The following PKHD1 variants were observed in gnomAD, a reference collection of about 807,000 sequenced individuals.
PKHD1 encodes the protein PKHD1 ciliary IPT domain containing fibrocystin/polyductin, also known as fibrocystin.
PKHD1 carries 291 observed loss-of-function variants against 412.0 expected under a neutral mutation model. The ratio of observed to expected loss-of-function variants is 0.71; its 90% CI spans 0.64 to 0.78. The LOEUF is 0.78. Ranked by LOEUF, PKHD1 falls within the 30% of genes least tolerant of loss-of-function variation. The pLI, the probability that PKHD1 is intolerant of heterozygous loss-of-function variation, is 0.00. For synonymous variants in PKHD1, 1,777 were observed against 1,821.5 expected, an observed-to-expected ratio of 0.98 and a Z score of 0.62; for missense variants, 4,825 against 4,950.7, an observed-to-expected ratio of 0.97 and a Z score of 0.76.
At chr6:51,750,964 G>T (rs1487378524) in intron 57 of PKHD1, among the ~76,000 whole-genome samples, 1 of 151,838 alleles carries the variant, frequency 6.6e-6, no homozygotes, top group Non-Finnish European at 1.5e-5. Flanking sequence ...TTTAGTAGAG[G>T]CAGGGTTTCA....
chr6:51,895,675 G>C (rs1016035232), intron 43 of PKHD1, among the ~76,000 whole-genome samples: 1 of 152,106 alleles, frequency 6.6e-6, no homozygotes, highest in Admixed American at 6.5e-5. Flanking sequence ...CAAGATGGCC[G>C]AATAGGAACA....
chr6:51,968,924 C>A (rs1793245220), intron 35 of PKHD1, among the ~76,000 whole-genome samples: 1 of 152,180 alleles, frequency 6.6e-6, no homozygotes, highest in African/African-American at 2.4e-5. Flanking sequence ...TGTACACACC[C>A]TGTGTAGTCC....
At chr6:51,726,475 T>C (rs147677149) in intron 60 of PKHD1, among the ~76,000 whole-genome samples, 93 of 152,298 alleles carry the variant, frequency 6.1e-4, no homozygotes, top group African/African-American at 2.1e-3. Context: ...AATCACCTCT[T>C]TTCTGCCATC....
chr6:52,038,918 A>G (rs1440518518), intron 27 of PKHD1, among the ~76,000 whole-genome samples: 1 of 152,234 alleles, frequency 6.6e-6, no homozygotes, highest in African/African-American at 2.4e-5. Context: ...GTGTGCTTCA[A>G]ATAACACTAT....
At chr6:51,820,269 C>A (rs1170779463) in intron 52 of PKHD1, among the ~76,000 whole-genome samples, 1 of 152,232 alleles carries the variant, frequency 6.6e-6, no homozygotes, top group East Asian at 1.9e-4. Context: ...TGTGACCTAG[C>A]CTTCAAAATC....
intron 2 of PKHD1, among the ~76,000 whole-genome samples, chr6:52,083,666 A>G (rs573782407): frequency 1.3e-5 from 2 of 152,266 alleles, no homozygotes; most frequent in South Asian, 2.1e-4. Context: ...TCAGGTGGCC[A>G]TATTTCCCTG....
chr6:52,065,619 C>T (rs1002818587), intron 12 of PKHD1, among the ~76,000 whole-genome samples: 19 of 152,178 alleles, frequency 1.2e-4, no homozygotes, highest in African/African-American at 4.1e-4. Flanking sequence ...CCCACTCCTG[C>T]TTGTCTATAT....
At chr6:52,032,887 G>A (rs1803280086) in intron 29 of PKHD1, 143 bp downstream of exon 29, 2 of 748,830 alleles carry the variant, frequency 2.7e-6, no homozygotes, top group East Asian at 4.9e-5. Context: ...ATTCGATGAT[G>A]GCTAAGATGA....
intron 35 of PKHD1, among the ~76,000 whole-genome samples, chr6:51,989,918 A>AGGAAGGAAGGAGGGAGGGAGGGAGGAG (rs1796726994): frequency 1.9e-5 from 2 of 105,268 alleles, no homozygotes; most frequent in African/African-American, 3.6e-5. Flanking sequence ...GAAGGAAGGA[A>AGGAAGGAAGGAGGGAGGGAGGGAGGAG]GGAAGGAAGG....
rs1229349983 is a variant in PKHD1, at chr6:51,649,111, G to T, written c.11284C>A (p.Pro3762Thr). Residue 3762 changes from proline (P) to threonine (T), a missense_variant, in exon 62 of 67, where the codon CCA becomes ACA. By Grantham distance (38) the Pro-to-Thr change is conservative. Transcript: ENST00000371117. ...TGCTCATCCAAAAATACCAATTGTGGCTGCACTGGAAGCTCATTTCCCACT... is the reference window on the plus strand; with the variant it reads ...TGCTCATCCAAAAATACCAATTGTGTCTGCACTGGAAGCTCATTTCCCACT... ...GEVGNELPVQ[P>T]QLVFLDEQNR... 3.1e-6 allele frequency: 5 copies of T among 1,613,676 alleles called. No individual in the cohort carries two copies. Among genetic ancestry groups the T allele is most frequent in the Non-Finnish European group, 4.2e-6 (5 of 1,179,770 alleles).
At chr6:51,656,887 C>T (rs753632014) in intron 61 of PKHD1, among the ~76,000 whole-genome samples, 23 of 151,878 alleles carry the variant, frequency 1.5e-4, no homozygotes, top group Non-Finnish European at 3.1e-4. Context: ...AACTCCTGCG[C>T]TCAAGCTATC....
intron 4 of PKHD1, among the ~76,000 whole-genome samples, chr6:52,080,541 T>G (rs1453932860): frequency 1.3e-5 from 2 of 152,222 alleles, no homozygotes; most frequent in African/African-American, 2.4e-5. Context: ...TCCATGTTGA[T>G]TTTTGTAAGA....
intron 35 of PKHD1, among the ~76,000 whole-genome samples, chr6:51,994,281 C>T (rs964356436): frequency 2.6e-5 from 4 of 152,110 alleles, no homozygotes; most frequent in Admixed American, 6.5e-5. Context: ...ACTACAGGCG[C>T]CTGCCACCGC....
At chr6:51,887,091 T>C (rs770629625) in intron 44 of PKHD1, 42 bp downstream of exon 44, 2 of 1,248,190 alleles carry the variant, frequency 1.6e-6, no homozygotes, top group Non-Finnish European at 2.4e-6. Flanking sequence ...AAATGTGAAA[T>C]CATAAGACAG....
intron 55 of PKHD1, among the ~76,000 whole-genome samples, chr6:51,756,087 A>T (rs1408839242): frequency 6.6e-6 from 1 of 152,170 alleles, no homozygotes; most frequent in African/African-American, 2.4e-5. Flanking sequence ...CATGAGTCTA[A>T]TAAATGAAAT....
rs979295600 is a variant in PKHD1, at chr6:51,649,143, T to A, written c.11252A>T (p.Asp3751Val). 1.9e-6 allele frequency: 3 copies of A among 1,613,222 alleles called. No homozygotes were observed. The highest frequency in any genetic ancestry group is 2.5e-6 in the Non-Finnish European group (3 of 1,179,350). Residue 3751 changes from aspartate to valine, a missense_variant, in exon 62 of 67, where the codon GAT (aspartate) becomes GTT (valine). Asp to Val is a radical substitution (Grantham distance 152). Transcript: ENST00000371117. ...YALSILVQPS[D>V]GEVGNELPVQ... ...TGGAAGCTCATTTCCCACTTCTCCA[T>A]CTGAAGGCTGGACTAGGATGGAAAG...
chr6:51,969,156 C>T (rs1277926301), intron 35 of PKHD1, among the ~76,000 whole-genome samples: 1 of 152,188 alleles, frequency 6.6e-6, no homozygotes, highest in African/African-American at 2.4e-5. Context: ...TGCCATGTGG[C>T]TTGGAGGAGA....
At chr6:51,777,039 A>T (rs1193597913) in intron 53 of PKHD1, among the ~76,000 whole-genome samples, 1 of 152,108 alleles carries the variant, frequency 6.6e-6, no homozygotes, top group Admixed American at 6.6e-5. Flanking sequence ...GTGGGAAGGT[A>T]ATCCCAAAAT....
chr6:51,813,708 G>A (rs12194206), intron 52 of PKHD1, among the ~76,000 whole-genome samples: 1 of 151,920 alleles, frequency 6.6e-6, no homozygotes, highest in Admixed American at 6.6e-5. Context: ...ACTGTGATGG[G>A]AGATTGTAGA....
Sources: gnomAD v4.1 joint callset for allele counts (sites outside exome capture counted in the v4.1 genomes callset) on GRCh38, gnomAD v4.1.1 for gene constraint, MANE v1.5 for transcripts, NCBI Gene and HGNC (gene_info 2026-07-23, HGNC 2026-07-21) for gene names.